The following CDC73 variants were observed in gnomAD, a reference collection of about 807,000 sequenced individuals.
CDC73 encodes the protein parafibromin.
In CDC73, 21 loss-of-function variants were observed where a neutral mutation model predicts 83.7. The observed-to-expected ratio is 0.25, with a 90% CI of 0.18 to 0.36. CDC73 has a LOEUF of 0.36. Among genes scored for constraint, CDC73 ranks in the 10% least tolerant of loss-of-function variants. The pLI, the probability that CDC73 is intolerant of heterozygous loss-of-function variation, is 1.00. For missense variants in CDC73, 342 were observed against 653.3 expected (o/e 0.52, Z 5.19); for synonymous variants, 224 against 212.9 (o/e 1.05, Z -0.45).
intron 9 of CDC73, among the ~76,000 whole-genome samples, chr1:193,151,104 T>G (rs1676100223): frequency 1.3e-5 from 2 of 152,228 alleles, no homozygotes; most frequent in South Asian, 4.1e-4. Context: ...TCTGCAGTTG[T>G]GAGGTGAGAC....
chr1:193,152,363 C>A lies in CDC73; in HGVS notation c.908-17C>A, dbSNP rs779610013. The stretch of plus-strand genomic sequence containing the variant: ...TGATCTATAAAATCTTAACAATAAG[C>A]CTCTTTTTTTTCGTAGAAACGGAAG... On this transcript the variant is annotated splice_polypyrimidine_tract_variant and intron_variant, in intron 9 of 16. Coordinates refer to ENST00000367435, the MANE Select transcript of CDC73 (RefSeq NM_024529.5). 1 of 1,567,298 alleles carries A rather than the reference C, an allele frequency of 6.4e-7. No individual in the cohort carries two copies. Among genetic ancestry groups the A allele is most frequent in the South Asian group, 1.1e-5 (1 of 90,022 alleles).
chr1:193,233,247 G>A (rs1677693225), intron 14 of CDC73, 93 bp downstream of exon 14: 1 of 1,156,230 alleles, frequency 8.6e-7, no homozygotes, highest in African/African-American at 1.5e-5. Flanking sequence ...CTTTTTAAGA[G>A]ATGGGGTCTC....
At chr1:193,172,960 C>T (rs1676543769) in intron 10 of CDC73, among the ~76,000 whole-genome samples, 1 of 152,082 alleles carries the variant, frequency 6.6e-6, no homozygotes. Context: ...AGATAGAGTA[C>T]ATAGTCAAAA....
intron 15 of CDC73, among the ~76,000 whole-genome samples, chr1:193,238,577 G>A (rs1677803739): frequency 6.6e-6 from 1 of 152,122 alleles, no homozygotes; most frequent in South Asian, 2.1e-4. Context: ...AACTGGAATG[G>A]ACCCTTCAAT....
At chr1:193,228,235 T>G (rs1159464349) in intron 13 of CDC73, among the ~76,000 whole-genome samples, 4 of 152,168 alleles carry the variant, frequency 2.6e-5, no homozygotes, top group Admixed American at 6.5e-5. Context: ...CTGACATAGT[T>G]TTTATTACTG....
At chr1:193,144,835 A>G (rs754158610) in intron 7 of CDC73, among the ~76,000 whole-genome samples, 1 of 148,326 alleles carries the variant, frequency 6.7e-6, no homozygotes, top group Non-Finnish European at 1.5e-5. Flanking sequence ...TTTTTTTTAA[A>G]TGAAGGAAAT....
chr1:193,196,449 A>G (rs144348312), intron 10 of CDC73, among the ~76,000 whole-genome samples: 1 of 152,254 alleles, frequency 6.6e-6, no homozygotes, highest in African/African-American at 2.4e-5. Flanking sequence ...GAGTTTGGCT[A>G]AGTATTTGAG....
At chr1:193,226,391 T>C (rs1005206218) in intron 13 of CDC73, among the ~76,000 whole-genome samples, 2 of 152,206 alleles carry the variant, frequency 1.3e-5, no homozygotes, top group African/African-American at 4.8e-5. Flanking sequence ...ATCTTTGTCT[T>C]GTTCCAGTTT....
intron 15 of CDC73, among the ~76,000 whole-genome samples, chr1:193,246,726 C>T (rs1367092720): frequency 6.6e-6 from 1 of 152,108 alleles, no homozygotes; most frequent in Non-Finnish European, 1.5e-5. Context: ...TCTTTATCCT[C>T]TAGCTTAATA....
chr1:193,210,003 C>A (rs993223119), intron 11 of CDC73, among the ~76,000 whole-genome samples: 1 of 152,140 alleles, frequency 6.6e-6, no homozygotes, highest in Admixed American at 6.5e-5. Context: ...CAAATATTTA[C>A]CGAGACTATA....
At chr1:193,162,307 A>T (rs1483828907) in intron 10 of CDC73, among the ~76,000 whole-genome samples, 2 of 129,134 alleles carry the variant, frequency 1.5e-5, no homozygotes, top group Admixed American at 8.8e-5. Flanking sequence ...TATATACTAT[A>T]TATTATATAT....
At chr1:193,250,423 A>G (rs753484064) in intron 16 of CDC73, among the ~76,000 whole-genome samples, 2 of 151,806 alleles carry the variant, frequency 1.3e-5, no homozygotes, top group Non-Finnish European at 3.0e-5. Context: ...AATCTGTAAC[A>G]TTTTTGGTGC....
intron 7 of CDC73, among the ~76,000 whole-genome samples, chr1:193,145,197 G>A (rs1346955113): frequency 6.6e-6 from 1 of 152,178 alleles, no homozygotes; most frequent in East Asian, 1.9e-4. Context: ...AGTGCAAGGA[G>A]ACTGATGGAT....
At chr1:193,233,638 C>T (rs908814512) in intron 14 of CDC73, among the ~76,000 whole-genome samples, 1 of 152,104 alleles carries the variant, frequency 6.6e-6, no homozygotes, top group African/African-American at 2.4e-5. Context: ...TTCATTTGTT[C>T]CGGATCAGCT....
intron 1 of CDC73, 144 bp downstream of exon 1, chr1:193,122,475 A>G (rs534470447): frequency 4.4e-5 from 48 of 1,091,944 alleles, no homozygotes; most frequent in African/African-American, 4.6e-5. Flanking sequence ...TCTCTAGAGC[A>G]GAAGTTGCAC....
intron 13 of CDC73, among the ~76,000 whole-genome samples, chr1:193,213,792 G>C (rs1677316414): frequency 6.6e-6 from 1 of 152,280 alleles, no homozygotes; most frequent in Non-Finnish European, 1.5e-5. Flanking sequence ...CGTCCTTCCA[G>C]AGTGATTTTG....
rs1322900359 is a variant in CDC73, at chr1:193,241,012, AT to A, written c.1417+4661del. 2.0e-5 allele frequency among the ~76,000 whole-genome samples: 3 copies of A among 150,918 alleles called. No individual in the cohort carries two copies. In the East Asian group the frequency reaches 5.8e-4, roughly 29 times the overall value. ...TCTTTTTCTGATATTTCCTAAGTTTATTTTTCATTGGGATCTGTAGCTGGAG... is the reference window on the plus strand; with the variant it reads ...TCTTTTTCTGATATTTCCTAAGTTTATTTTCATTGGGATCTGTAGCTGGAG... On this transcript the variant is annotated intron_variant, in intron 15 of 16. Transcript: ENST00000367435.
intron 11 of CDC73, among the ~76,000 whole-genome samples, chr1:193,204,239 GTATA>G (rs1165046370): frequency 7.5e-6 from 1 of 133,706 alleles, no homozygotes; most frequent in South Asian, 2.5e-4. Flanking sequence ...ATATATACAC[GTATA>G]TATATGTGTA....
intron 13 of CDC73, among the ~76,000 whole-genome samples, chr1:193,227,491 A>G (rs1473054581): frequency 6.6e-6 from 1 of 152,124 alleles, no homozygotes; most frequent in Non-Finnish European, 1.5e-5. Context: ...AAGAAAGAAA[A>G]GTTACAAGAA....
Sources: allele counts gnomAD v4.1 joint callset (sites outside exome capture counted in the v4.1 genomes callset), GRCh38; gene constraint gnomAD v4.1.1; transcripts MANE v1.5; gene names NCBI Gene and HGNC (gene_info 2026-07-23, HGNC 2026-07-21).